Variants in ZDHHC21 observed in about 807,000 individuals in gnomAD.
ZDHHC21 encodes palmitoyltransferase ZDHHC21.
In ZDHHC21, 15 loss-of-function variants were observed where a neutral mutation model predicts 34.6. The ratio of observed to expected loss-of-function variants is 0.43; its 90% CI spans 0.29 to 0.67. The LOEUF (loss-of-function observed/expected upper bound fraction) is 0.67, where lower values mean the gene tolerates loss of function less well. Among genes scored for constraint, ZDHHC21 ranks in the 30% least tolerant of loss-of-function variants. The pLI is 0.14. For missense variants in ZDHHC21, 344 were observed against 327.7 expected (o/e 1.05, Z -0.38); for synonymous variants, 142 against 101.8 (o/e 1.40, Z -2.38).
chr9:14,663,244 T>C (rs1833721619), intron 5 of ZDHHC21, among the ~76,000 whole-genome samples: 1 of 152,178 alleles, frequency 6.6e-6, no homozygotes, highest in African/African-American at 2.4e-5. Context: ...AAAATTCTTT[T>C]AATTTTCATC....
chr9:14,642,567 G>C (rs1829554803), intron 7 of ZDHHC21, among the ~76,000 whole-genome samples: 1 of 152,152 alleles, frequency 6.6e-6, no homozygotes, highest in South Asian at 2.1e-4. Context: ...GAGGCCCTTA[G>C]GGTGGGCACT....
At chr9:14,643,739 C>T (rs543817689) in intron 7 of ZDHHC21, among the ~76,000 whole-genome samples, 1 of 152,228 alleles carries the variant, frequency 6.6e-6, no homozygotes, top group South Asian at 2.1e-4. Flanking sequence ...TCTGAATTTA[C>T]TTTTTGTATA....
Position 14,658,739 on chromosome 9 carries a change from C to T in ZDHHC21, c.504+10G>A. On this transcript the variant is annotated intron_variant, in intron 7 of 9. Coordinates refer to ENST00000380916, the MANE Select transcript of ZDHHC21 (RefSeq NM_178566.6). The stretch of plus-strand genomic sequence containing the variant: ...GCCCGCCTCGGCCTCCCAATATAAA[C>T]ATTTCTTACCAAATTACGCTTTTTT... 1.2e-6 allele frequency: 2 copies of T among 1,612,798 alleles called. No individual in the cohort carries two copies. Among genetic ancestry groups the T allele is most frequent in the Non-Finnish European group, 1.7e-6 (2 of 1,179,420 alleles).
chr9:14,604,962 A>G, the ZDHHC21 span, among the ~76,000 whole-genome samples: 3 of 152,142 alleles, frequency 2.0e-5, no homozygotes, highest in Non-Finnish European at 4.4e-5. Flanking sequence ...ATCATGCAGT[A>G]TTTGTCCTTC....
Position 14,672,839 on chromosome 9 carries a change from G to T in ZDHHC21, c.244C>A (p.Pro82Thr). ...ATCCAGAGTACCATACCTCCATGTG[G>T]GATCTTGGGGTTCTCAGGGAGTCTT... Reference protein sequence around the residue: ...PGRLPENPKIPHGEREFWELC... With the variant: ...PGRLPENPKITHGEREFWELC... The change falls in exon 5 of 10, where the codon CCA (proline) becomes ACA (threonine). Residue 82 changes from proline to threonine, a missense_variant. Physicochemically the swap from Pro to Thr is conservative, Grantham distance 38. Coordinates refer to ENST00000380916, the MANE Select transcript of ZDHHC21 (RefSeq NM_178566.6). 6.2e-7 allele frequency: 1 copy of T among 1,605,652 alleles called. No individual in the cohort carries two copies. The highest frequency in any genetic ancestry group is 8.5e-7 in the Non-Finnish European group (1 of 1,174,398).
At chr9:14,619,134 T>G (rs1824799010) in intron 9 of ZDHHC21, 36 bp from the exon 10 acceptor site, 2 of 1,571,240 alleles carry the variant, frequency 1.3e-6, no homozygotes, top group Non-Finnish European at 8.6e-7. Flanking sequence ...AAGACAGCAC[T>G]CCCATGGTGC....
At chr9:14,658,914 A>G in intron 6 of ZDHHC21, 27 bp from the exon 7 acceptor site, 1 of 1,590,046 alleles carries the variant, frequency 6.3e-7, no homozygotes, top group Non-Finnish European at 8.5e-7. Flanking sequence ...AAAAAGAAAC[A>G]ATATTTTAAA....
intron 8 of ZDHHC21, among the ~76,000 whole-genome samples, chr9:14,619,995 A>T (rs1472783836): frequency 2.0e-5 from 3 of 152,062 alleles, no homozygotes; most frequent in African/African-American, 7.2e-5. Context: ...TTGAAAGTCT[A>T]CAATCTACTT....
At chr9:14,590,816 C>A in the ZDHHC21 span, among the ~76,000 whole-genome samples, 1 of 151,904 alleles carries the variant, frequency 6.6e-6, no homozygotes, top group Non-Finnish European at 1.5e-5. Context: ...ACGAAGAGCA[C>A]CAGAAATGAT....
intron 3 of ZDHHC21, among the ~76,000 whole-genome samples, chr9:14,676,451 G>A (rs1781526385): frequency 6.6e-6 from 1 of 151,784 alleles, no homozygotes; most frequent in Non-Finnish European, 1.5e-5. Flanking sequence ...TGATTTTAAA[G>A]GAATACCCCC....
chr9:14,631,582 G>T (rs1827354495), intron 8 of ZDHHC21, among the ~76,000 whole-genome samples: 1 of 152,108 alleles, frequency 6.6e-6, no homozygotes, highest in South Asian at 2.1e-4. Context: ...CTAGTTTTCG[G>T]CCTGTCTCAG....
At position 14,684,811 on chromosome 9, in the gene ZDHHC21, G is replaced by C. The variant is rs1838016794; in HGVS notation, c.-175-4649C>G. 4.6e-5 allele frequency among the ~76,000 whole-genome samples: 7 copies of C among 152,188 alleles called. No homozygotes were observed. The Middle Eastern group carries it at 0.01, about 222-fold the overall frequency. ...TACCTGACTTCAAACTACACTACAA[G>C]GCTACAGTAACCAAAACACCATGGT... On this transcript the variant is annotated intron_variant, in intron 2 of 9. Transcript: ENST00000380916.
At chr9:14,656,198 T>C (rs916897429) in intron 7 of ZDHHC21, among the ~76,000 whole-genome samples, 9 of 151,930 alleles carry the variant, frequency 5.9e-5, no homozygotes, top group Non-Finnish European at 1.0e-4. Flanking sequence ...GAACATTCAT[T>C]TGCTTCAGAT....
At chr9:14,602,140 G>A in the ZDHHC21 span, among the ~76,000 whole-genome samples, 2 of 151,812 alleles carry the variant, frequency 1.3e-5, no homozygotes, top group African/African-American at 4.8e-5. Context: ...AGAACTTAAA[G>A]TATAATAATA....
At chr9:14,620,692 G>A (rs931861468) in intron 8 of ZDHHC21, among the ~76,000 whole-genome samples, 14 of 152,022 alleles carry the variant, frequency 9.2e-5, no homozygotes, top group African/African-American at 3.4e-4. Flanking sequence ...ACTCTTTAGA[G>A]ATGTTAATAG....
the ZDHHC21 span, among the ~76,000 whole-genome samples, chr9:14,602,726 T>C: frequency 2.0e-5 from 3 of 151,920 alleles, no homozygotes; most frequent in African/African-American, 7.3e-5. Context: ...ACAACATGAA[T>C]GAATCTCAAA....
chr9:14,647,179 G>T (rs555685712), intron 7 of ZDHHC21, among the ~76,000 whole-genome samples: 1 of 152,018 alleles, frequency 6.6e-6, no homozygotes, highest in Non-Finnish European at 1.5e-5. Context: ...TCACTCTCAT[G>T]AAATATTAAT....
intron 5 of ZDHHC21, among the ~76,000 whole-genome samples, chr9:14,667,291 C>T (rs1834631475): frequency 6.7e-6 from 1 of 148,740 alleles, no homozygotes; most frequent in Admixed American, 6.7e-5. Context: ...TCTCCCAAGA[C>T]TAAACCAGGA....
chr9:14,689,224 T>C (rs955245143), intron 2 of ZDHHC21, among the ~76,000 whole-genome samples: 3 of 152,080 alleles, frequency 2.0e-5, no homozygotes, highest in Non-Finnish European at 4.4e-5. Context: ...AAACCGAAAA[T>C]AGAGATTTGA....
Sources: gnomAD v4.1 joint callset for allele counts (sites outside exome capture counted in the v4.1 genomes callset) on GRCh38, gnomAD v4.1.1 for gene constraint, MANE v1.5 for transcripts, NCBI Gene and HGNC (gene_info 2026-07-23, HGNC 2026-07-21) for gene names.